TAF4B: variants seen among roughly 807,000 people sequenced by gnomAD.
The protein encoded by TAF4B is TATA-box binding protein associated factor 4b, also known as transcription initiation factor TFIID subunit 4B.
TAF4B carries 38 observed loss-of-function variants against 86.4 expected under a neutral mutation model. The observed-to-expected ratio is 0.44, with a 90% CI of 0.34 to 0.58. The LOEUF is 0.58. Ranked by LOEUF, TAF4B falls within the 20% of genes least tolerant of loss-of-function variation. The pLI, the probability that TAF4B is intolerant of heterozygous loss-of-function variation, is 0.02. For missense variants in TAF4B, 988 were observed against 1,027.6 expected (o/e 0.96, Z 0.53); for synonymous variants, 388 against 391.2 (o/e 0.99, Z 0.10).
At chr18:26,242,282 A>G (rs1359310853) in intron 1 of TAF4B, among the ~76,000 whole-genome samples, 1 of 152,198 alleles carries the variant, frequency 6.6e-6, no homozygotes, top group African/African-American at 2.4e-5. Flanking sequence ...TATTGGGTGC[A>G]TATATATTTA....
At chr18:26,363,892 T>C (rs2057349909) in intron 14 of TAF4B, among the ~76,000 whole-genome samples, 1 of 152,140 alleles carries the variant, frequency 6.6e-6, no homozygotes, top group African/African-American at 2.4e-5. Context: ...AATGCAGGTT[T>C]TTTCCTACTA....
chr18:26,265,666 ATCC>A (rs1009234656), intron 2 of TAF4B, among the ~76,000 whole-genome samples: 1 of 151,986 alleles, frequency 6.6e-6, no homozygotes, highest in Non-Finnish European at 1.5e-5. Flanking sequence ...AGCTCAGATA[ATCC>A]TCCTGCCTCA....
At chr18:26,358,048 T>C (rs961884820) in intron 14 of TAF4B, among the ~76,000 whole-genome samples, 10 of 152,324 alleles carry the variant, frequency 6.6e-5, no homozygotes, top group Admixed American at 2.6e-4. Flanking sequence ...TCCAGTCATA[T>C]TGAATCTTCC....
At chr18:26,357,643 A>T in intron 13 of TAF4B, 47 bp from the exon 14 acceptor site, 1 of 1,327,552 alleles carries the variant, frequency 7.5e-7, no homozygotes, top group Non-Finnish European at 1.1e-6. Context: ...TTTCCCTCTG[A>T]GCATGAATGT....
intron 14 of TAF4B, among the ~76,000 whole-genome samples, chr18:26,387,368 A>G (rs929038923): frequency 6.6e-6 from 1 of 152,248 alleles, no homozygotes. Context: ...GTAAACAACA[A>G]AATTTCCACT....
chr18:26,366,783 A>G (rs923583846), intron 14 of TAF4B, among the ~76,000 whole-genome samples: 9 of 152,246 alleles, frequency 5.9e-5, no homozygotes, highest in African/African-American at 2.2e-4. Context: ...ACAGTTGTTA[A>G]TTAAGTATTG....
chr18:26,371,381 A>G (rs552201779), intron 14 of TAF4B, among the ~76,000 whole-genome samples: 1 of 152,172 alleles, frequency 6.6e-6, no homozygotes, highest in Admixed American at 6.5e-5. Flanking sequence ...TTATTTCTCT[A>G]TTCATGAGGG....
At chr18:26,271,002 C>T (rs1206574916) in intron 3 of TAF4B, among the ~76,000 whole-genome samples, 1 of 152,184 alleles carries the variant, frequency 6.6e-6, no homozygotes, top group African/African-American at 2.4e-5. Context: ...TAGGTTGATG[C>T]ATATTTTAAG....
intron 13 of TAF4B, among the ~76,000 whole-genome samples, chr18:26,343,711 G>T (rs541360929): frequency 1.4e-3 from 213 of 152,230 alleles, no homozygotes; most frequent in Non-Finnish European, 2.5e-3. Context: ...TACACTATGT[G>T]CAGGATGCAA....
chr18:26,368,567 A>C (rs1324461546), intron 14 of TAF4B, among the ~76,000 whole-genome samples: 1 of 152,222 alleles, frequency 6.6e-6, no homozygotes, highest in African/African-American at 2.4e-5. Flanking sequence ...AGTTTTCTAA[A>C]GGGTTCCTTA....
intron 9 of TAF4B, among the ~76,000 whole-genome samples, chr18:26,299,815 G>T (rs901203794): frequency 6.6e-6 from 1 of 151,990 alleles, no homozygotes; most frequent in Non-Finnish European, 1.5e-5. Context: ...GCAAGAAATT[G>T]TTCCTAATAC....
intron 1 of TAF4B, among the ~76,000 whole-genome samples, chr18:26,259,611 G>A (rs1233769779): frequency 5.3e-5 from 8 of 152,194 alleles, no homozygotes; most frequent in East Asian, 1.9e-4. Context: ...AAGGACATGA[G>A]CTCATCCTTT....
chr18:26,254,639 T>G (rs1482668025), intron 1 of TAF4B, among the ~76,000 whole-genome samples: 1 of 152,214 alleles, frequency 6.6e-6, no homozygotes, highest in Non-Finnish European at 1.5e-5. Context: ...TTTTTTCAGA[T>G]AGCTTAACAT....
chr18:26,376,782 A>G (rs999614786), intron 14 of TAF4B, among the ~76,000 whole-genome samples: 2 of 152,076 alleles, frequency 1.3e-5, no homozygotes, highest in African/African-American at 4.8e-5. Context: ...TCAGTCTTTC[A>G]CCAGTAAGTG....
Position 26,386,624 on chromosome 18 carries a change from G to A in TAF4B, c.2422-3221G>A, listed in dbSNP as rs139021140. ...ACTCTCCTGACTTTTTTTTAGCTTT[G>A]CCTGTTCTGGGACTTGGTAGAAATT... On this transcript the variant is annotated intron_variant, in intron 14 of 14. Transcript: ENST00000269142. Among the ~76,000 whole-genome samples, 101 of 152,072 alleles carry A rather than the reference G, an allele frequency of 6.6e-4. 3 individuals carry two copies. The South Asian group carries it at 0.011, about 17-fold the overall frequency.
chr18:26,249,078 A>T (rs2055964645), intron 1 of TAF4B, among the ~76,000 whole-genome samples: 1 of 151,598 alleles, frequency 6.6e-6, no homozygotes. Context: ...AGGCTGAGGC[A>T]GGAGGATCAC....
rs370975922 is a variant in TAF4B, at chr18:26,271,876, G to A, written c.598-2787G>A. Reference sequence around the variant, plus strand: ...CAGGAGGCGGAGATTGCAGTGAGCCGAGATCGCACCACTGCACTCCAGCCT... The same window carrying A: ...CAGGAGGCGGAGATTGCAGTGAGCCAAGATCGCACCACTGCACTCCAGCCT... On this transcript the variant is annotated intron_variant, in intron 3 of 14. Transcript: ENST00000269142. Among the ~76,000 whole-genome samples the A allele has an allele frequency of 4.7e-5, 7 of 147,524 alleles. No homozygotes were observed. In the East Asian group the frequency reaches 1.4e-3, roughly 29 times the overall value.
At chr18:26,372,155 G>A (rs954390139) in intron 14 of TAF4B, among the ~76,000 whole-genome samples, 4 of 152,152 alleles carry the variant, frequency 2.6e-5, no homozygotes, top group African/African-American at 9.7e-5. Context: ...TCCCACATTG[G>A]TTTCCTGACC....
chr18:26,285,230 T>TTTG (rs1568127646), intron 6 of TAF4B, among the ~76,000 whole-genome samples: 7 of 134,230 alleles, frequency 5.2e-5, no homozygotes, highest in African/African-American at 7.7e-5. Flanking sequence ...TTGTTTTTTT[T>TTTG]TTTTTTGGAG....
Sources: allele counts gnomAD v4.1 joint callset (sites outside exome capture counted in the v4.1 genomes callset), GRCh38; gene constraint gnomAD v4.1.1; transcripts MANE v1.5; gene names NCBI Gene and HGNC (gene_info 2026-07-23, HGNC 2026-07-21).